Variants in SYTL3 observed in about 807,000 individuals in gnomAD.
The protein encoded by SYTL3 is synaptotagmin like 3, also known as synaptotagmin-like protein 3.
A neutral mutation model predicts 82.1 loss-of-function variants in SYTL3; 88 were observed. The ratio of observed to expected loss-of-function variants is 1.07; its 90% CI spans 0.90 to 1.28. The LOEUF is 1.28. Ranked by LOEUF, SYTL3 falls within the 50% of genes most tolerant of loss-of-function variation. SYTL3 has a pLI of 0.00. For missense variants in SYTL3, 831 were observed against 757.6 expected (o/e 1.10, Z -1.14); for synonymous variants, 311 against 289.4 (o/e 1.07, Z -0.76).
At chr6:158,650,428 T>TA (rs1428906685) in intron 1 of SYTL3, among the ~76,000 whole-genome samples, 1 of 152,184 alleles carries the variant, frequency 6.6e-6, no homozygotes, top group Non-Finnish European at 1.5e-5. Flanking sequence ...TTCTTATACT[T>TA]ACAGTTTATT....
chr6:158,725,443 T>A (rs557278229), intron 10 of SYTL3, 60 bp from the exon 11 acceptor site: 2 of 1,588,524 alleles, frequency 1.3e-6, no homozygotes, highest in African/African-American at 2.7e-5. Flanking sequence ...GTCACCACAT[T>A]TGAACAAAAC....
chr6:158,751,878 C>T (rs745539583), intron 12 of SYTL3, 50 bp from the exon 13 acceptor site: 2 of 1,378,934 alleles, frequency 1.5e-6, no homozygotes, highest in Non-Finnish European at 2.0e-6. Context: ...ACTCTTTATC[C>T]ACCCCTTTCC....
chr6:158,748,136 A>G (rs1787907142), intron 12 of SYTL3, among the ~76,000 whole-genome samples: 1 of 147,370 alleles, frequency 6.8e-6, no homozygotes, highest in Non-Finnish European at 1.5e-5. Context: ...GATTTTCTAT[A>G]TATAGTTTAA....
intron 11 of SYTL3, among the ~76,000 whole-genome samples, chr6:158,733,946 A>T (rs1218351274): frequency 6.6e-6 from 1 of 151,634 alleles, no homozygotes; most frequent in Non-Finnish European, 1.5e-5. Context: ...AAATACAAAA[A>T]AATTAGCCAG....
chr6:158,655,380 A>G (rs954364051), intron 2 of SYTL3, among the ~76,000 whole-genome samples: 1 of 152,146 alleles, frequency 6.6e-6, no homozygotes, highest in African/African-American at 2.4e-5. Flanking sequence ...AGGTTTCTCA[A>G]TTCAAGCCAA....
At chr6:158,760,072 C>G (rs1320840536) in intron 14 of SYTL3, among the ~76,000 whole-genome samples, 2 of 152,102 alleles carry the variant, frequency 1.3e-5, no homozygotes, top group Non-Finnish European at 2.9e-5. Flanking sequence ...AGGCTCATCT[C>G]TTTCCCGGCC....
chr6:158,709,990 G>A (rs1431192667), intron 8 of SYTL3, among the ~76,000 whole-genome samples: 1 of 152,112 alleles, frequency 6.6e-6, no homozygotes, highest in Non-Finnish European at 1.5e-5. Context: ...AGCCATGATT[G>A]CGCCAATGCG....
At chr6:158,763,872 G>A (rs1583534380) in intron 17 of SYTL3, among the ~76,000 whole-genome samples, 1 of 152,202 alleles carries the variant, frequency 6.6e-6, no homozygotes, top group Non-Finnish European at 1.5e-5. Context: ...AAAGTGGTCA[G>A]AACAGCAGTG....
chr6:158,655,638 C>T (rs563698457), intron 2 of SYTL3, among the ~76,000 whole-genome samples: 5 of 152,316 alleles, frequency 3.3e-5, no homozygotes, highest in South Asian at 4.1e-4. Flanking sequence ...GTTAGTACCA[C>T]GACTGTCAGC....
At chr6:158,684,999 A>G (rs749741893) in intron 6 of SYTL3, among the ~76,000 whole-genome samples, 2 of 152,052 alleles carry the variant, frequency 1.3e-5, no homozygotes, top group African/African-American at 4.8e-5. Flanking sequence ...GACTTTTTCA[A>G]AGTTGCTACC....
intron 7 of SYTL3, among the ~76,000 whole-genome samples, chr6:158,708,073 A>C (rs1233236803): frequency 6.6e-6 from 1 of 152,186 alleles, no homozygotes; most frequent in African/African-American, 2.4e-5. Flanking sequence ...GTTTCAGAAC[A>C]CATGACTGAG....
rs1370958092 is a variant in SYTL3 at position 158,685,724 on chromosome 6, A to G, written c.394+2735A>G. ...TCCCAGCTACTCGGGAGGCTGAGGC[A>G]GGAGAATTGCTTAAAGCTGGGAGGC... On this transcript the variant is annotated intron_variant, in intron 6 of 17. Transcript: ENST00000611299. Among the ~76,000 whole-genome samples the G allele has an allele frequency of 2.6e-5, 4 of 152,136 alleles. No homozygotes were observed. The East Asian group carries it at 5.8e-4, about 22-fold the overall frequency.
Position 158,725,381 on chromosome 6 carries a change from C to G in SYTL3, c.721-122C>G. On this transcript the variant is annotated intron_variant, in intron 10 of 17. Coordinates refer to ENST00000611299, the MANE Select transcript of SYTL3 (RefSeq NM_001242394.2). ...CATTTACCAAATGCAGGTGTGTCCT[C>G]CTACTCAGAAGTTTGCATGTTAGTA... The G allele has an allele frequency of 2.8e-6, 3 of 1,064,178 alleles. No homozygotes were observed. The South Asian group carries it at 4.4e-5, about 16-fold the overall frequency. The allele number at this position is 1,064,178 out of a possible 1,614,324, so 65.9% of individuals were successfully genotyped here. A position where few individuals can be genotyped will look rare whatever the true frequency, so the allele number is the denominator to read the frequency against.
At chr6:158,685,460 G>A (rs949942124) in intron 6 of SYTL3, among the ~76,000 whole-genome samples, 10 of 151,918 alleles carry the variant, frequency 6.6e-5, no homozygotes, top group Non-Finnish European at 1.0e-4. Context: ...TGCCCACCTT[G>A]GCCTCCCAAA....
At chr6:158,676,192 G>A (rs1778011002) in intron 5 of SYTL3, among the ~76,000 whole-genome samples, 2 of 152,210 alleles carry the variant, frequency 1.3e-5, no homozygotes, top group African/African-American at 4.8e-5. Flanking sequence ...ACATGGTACT[G>A]TTACCAAAAC....
chr6:158,677,704 TCAAAAAAAAAAAAAAAAAAAAAAAA>T, intron 5 of SYTL3, among the ~76,000 whole-genome samples: 1 of 25,686 alleles, frequency 3.9e-5, no homozygotes, highest in South Asian at 1.2e-3. Flanking sequence ...AAACTCTGTC[TCAAAAAAAAAAAAAAAAAAAAAAAA>T]AGACTATTTG....
intron 11 of SYTL3, among the ~76,000 whole-genome samples, chr6:158,735,998 C>T (rs1048434460): frequency 1.1e-4 from 16 of 152,102 alleles, no homozygotes; most frequent in African/African-American, 3.9e-4. Flanking sequence ...GAATGTTGGC[C>T]AAAATGTGCA....
intron 3 of SYTL3, among the ~76,000 whole-genome samples, chr6:158,661,886 G>A (rs1789418884): frequency 6.6e-6 from 1 of 152,120 alleles, no homozygotes; most frequent in Non-Finnish European, 1.5e-5. Context: ...AATATTTCAT[G>A]CATCAAGGAA....
At chr6:158,645,803 A>G (rs1214365707), upstream of SYTL3, among the ~76,000 whole-genome samples, 1 of 152,156 alleles carries the variant, frequency 6.6e-6, no homozygotes, top group African/African-American at 2.4e-5. Context: ...GTCAATAGTT[A>G]CTAAGTTGTC....
Sources: allele counts gnomAD v4.1 joint callset (sites outside exome capture counted in the v4.1 genomes callset), GRCh38; gene constraint gnomAD v4.1.1; transcripts MANE v1.5; gene names NCBI Gene and HGNC (gene_info 2026-07-23, HGNC 2026-07-21).